The following INPP4B variants were observed in gnomAD, a reference collection of about 807,000 sequenced individuals.
INPP4B encodes the protein inositol polyphosphate 4-phosphatase type II.
A neutral mutation model predicts 122.5 loss-of-function variants in INPP4B; 55 were observed. The observed-to-expected ratio is 0.45, with a 90% CI of 0.36 to 0.56. The LOEUF is 0.56. Ranked by LOEUF, INPP4B falls within the 20% of genes least tolerant of loss-of-function variation. INPP4B has a pLI of 0.00. For synonymous variants in INPP4B, 403 were observed against 388.7 expected (o/e 1.04, Z -0.43); for missense variants, 1,000 against 1,097.7 (o/e 0.91, Z 1.26).
intron 2 of INPP4B, among the ~76,000 whole-genome samples, chr4:142,470,907 A>AGAG (rs1818697911): frequency 6.6e-6 from 1 of 152,228 alleles, no homozygotes; most frequent in Non-Finnish European, 1.5e-5. Flanking sequence ...ATTCAACAAT[A>AGAG]GAGGAATCTT....
At chr4:142,201,665 A>C (rs958549591) in intron 14 of INPP4B, among the ~76,000 whole-genome samples, 6 of 152,014 alleles carry the variant, frequency 3.9e-5, no homozygotes, top group African/African-American at 1.4e-4. Flanking sequence ...AATTAACTGC[A>C]ATTGATTGTT....
chr4:142,685,154 T>C (rs949155486), intron 2 of INPP4B, among the ~76,000 whole-genome samples: 2 of 152,094 alleles, frequency 1.3e-5, no homozygotes, highest in African/African-American at 2.4e-5. Context: ...GATATGCTTC[T>C]TCCCAATTTT....
chr4:142,062,265 A>G (rs1761334503), intron 25 of INPP4B, among the ~76,000 whole-genome samples: 1 of 151,830 alleles, frequency 6.6e-6, no homozygotes, highest in Non-Finnish European at 1.5e-5. Context: ...ACACCACCAC[A>G]TCATCATCAC....
At chr4:142,322,418 C>T (rs1232695459) in intron 7 of INPP4B, among the ~76,000 whole-genome samples, 2 of 152,172 alleles carry the variant, frequency 1.3e-5, no homozygotes, top group Non-Finnish European at 2.9e-5. Flanking sequence ...GTGTTACAAA[C>T]TCACATGCCC....
At chr4:142,591,515 C>A (rs1181542862) in intron 2 of INPP4B, among the ~76,000 whole-genome samples, 2 of 151,938 alleles carry the variant, frequency 1.3e-5, no homozygotes, top group East Asian at 3.9e-4. Flanking sequence ...CACAAGAATT[C>A]CAAATAATGT....
At chr4:142,236,325 C>A (rs537461463) in intron 12 of INPP4B, among the ~76,000 whole-genome samples, 1 of 152,304 alleles carries the variant, frequency 6.6e-6, no homozygotes, top group African/African-American at 2.4e-5. Flanking sequence ...AATACATAAG[C>A]TTGCTTTATC....
intron 2 of INPP4B, among the ~76,000 whole-genome samples, chr4:142,551,929 T>A (rs1303684594): frequency 1.3e-5 from 2 of 152,220 alleles, no homozygotes; most frequent in Non-Finnish European, 2.9e-5. Flanking sequence ...TTGTGGTTCA[T>A]TTGAACTCTG....
rs1333706759 is a variant in INPP4B at position 142,145,862 on chromosome 4, A to G, written c.1698T>C (p.Asp566=). 1.2e-6 allele frequency: 2 copies of G among 1,613,602 alleles called. No homozygotes were observed. The highest frequency in any genetic ancestry group is 1.7e-5 in the Admixed American group (1 of 59,974). ...NDGEKEPSLT[D]AIPSHPREDW... ...TACCTCTTGGGTGAGAGGGAATGGC[A>G]TCTGTTAATGAAGGTTCCTTTTCTC... Residue 566 remains aspartate (D), a synonymous_variant, in exon 18 of 26, where the codon GAT becomes GAC. Coordinates refer to ENST00000262992, the MANE Select transcript of INPP4B (RefSeq NM_001101669.3).
intron 2 of INPP4B, among the ~76,000 whole-genome samples, chr4:142,504,168 T>C (rs1372695522): frequency 6.6e-6 from 1 of 151,892 alleles, no homozygotes; most frequent in Non-Finnish European, 1.5e-5. Flanking sequence ...ATCCACAATA[T>C]GCAAAATACT....
chr4:142,408,203 A>G (rs775773771), intron 5 of INPP4B, among the ~76,000 whole-genome samples: 12 of 152,106 alleles, frequency 7.9e-5, no homozygotes, highest in Non-Finnish European at 1.5e-4. Context: ...ATAAAATCTA[A>G]TCCGTATGAG....
At chr4:142,421,306 A>T (rs1040987400) in intron 5 of INPP4B, among the ~76,000 whole-genome samples, 1 of 152,134 alleles carries the variant, frequency 6.6e-6, no homozygotes, top group Admixed American at 6.6e-5. Context: ...CATAGCTCAA[A>T]GAAAGGCTCA....
chr4:142,558,655 T>C (rs1729743538), intron 2 of INPP4B, among the ~76,000 whole-genome samples: 1 of 150,606 alleles, frequency 6.6e-6, no homozygotes, highest in Non-Finnish European at 1.5e-5. Flanking sequence ...CAGTGGGTGT[T>C]GGGGGGGCAG....
At chr4:142,815,318 G>C (rs1366593014) in intron 1 of INPP4B, among the ~76,000 whole-genome samples, 1 of 152,132 alleles carries the variant, frequency 6.6e-6, no homozygotes, top group African/African-American at 2.4e-5. Flanking sequence ...TAAAGGATAA[G>C]CTGTAGTTAA....
intron 2 of INPP4B, among the ~76,000 whole-genome samples, chr4:142,554,617 C>A (rs1009220067): frequency 6.6e-6 from 1 of 152,138 alleles, no homozygotes; most frequent in Non-Finnish European, 1.5e-5. Context: ...CCCCTCATAC[C>A]CTGGGCTCTA....
rs72941125 is a variant in INPP4B, at chr4:142,307,279, A to G, written c.424-1742T>C. ...ATGCTCTCTAAGACATCCCTATACG[A>G]AAGCACACTCCCCTCCCACATACAC... On this transcript the variant is annotated intron_variant, in intron 8 of 25. Coordinates refer to ENST00000262992, the MANE Select transcript of INPP4B (RefSeq NM_001101669.3). 2.5e-3 allele frequency among the ~76,000 whole-genome samples: 376 copies of G among 152,246 alleles called. 1 individual carries two copies. The highest frequency in any genetic ancestry group is 8.7e-3 in the African/African-American group (363 of 41,552).
At chr4:142,115,501 A>G (rs10033103) in intron 21 of INPP4B, among the ~76,000 whole-genome samples, 20,123 of 152,200 alleles carry the variant, frequency 0.13, 1,496 homozygotes, top group East Asian at 0.23. Flanking sequence ...AGTGGGGGCC[A>G]ATATTCAACA....
chr4:142,121,553 C>T (rs1285844688), intron 21 of INPP4B, among the ~76,000 whole-genome samples: 1 of 152,082 alleles, frequency 6.6e-6, no homozygotes, highest in East Asian at 1.9e-4. Flanking sequence ...GTCTGTTCTA[C>T]ACACCATCAT....
At chr4:142,551,641 A>G (rs1427718120) in intron 2 of INPP4B, among the ~76,000 whole-genome samples, 4 of 152,140 alleles carry the variant, frequency 2.6e-5, no homozygotes, top group Admixed American at 1.3e-4. Context: ...GGAAAGTGAG[A>G]TAAGTGTTGA....
intron 25 of INPP4B, among the ~76,000 whole-genome samples, chr4:142,039,168 A>G (rs1745772390): frequency 6.6e-6 from 1 of 152,104 alleles, no homozygotes; most frequent in South Asian, 2.1e-4. Context: ...TACTCCAGAG[A>G]TGCATATTTT....
Sources: allele counts gnomAD v4.1 joint callset (sites outside exome capture counted in the v4.1 genomes callset), GRCh38; gene constraint gnomAD v4.1.1; transcripts MANE v1.5; gene names NCBI Gene and HGNC (gene_info 2026-07-23, HGNC 2026-07-21).